Variants in XPO1 observed in about 807,000 individuals in gnomAD.
XPO1 encodes the protein exportin-1.
XPO1 carries 5 observed loss-of-function variants against 133.3 expected under a neutral mutation model. That is an observed-to-expected ratio of 0.04 (90% CI 0.02 to 0.08). The LOEUF (loss-of-function observed/expected upper bound fraction) is 0.08. XPO1 is among the 10% of genes least tolerant of loss of function. The pLI is 1.00. For synonymous variants in XPO1, 419 were observed against 408.2 expected (o/e 1.03, Z -0.32); for missense variants, 506 against 1,267.5 (o/e 0.40, Z 9.12).
At chr2:61,520,966 C>G (rs1383872839) in intron 4 of XPO1, among the ~76,000 whole-genome samples, 1 of 152,116 alleles carries the variant, frequency 6.6e-6, no homozygotes, top group African/African-American at 2.4e-5. Flanking sequence ...CTAAAGATCC[C>G]TGAAGAATAA....
intron 4 of XPO1, among the ~76,000 whole-genome samples, chr2:61,502,836 G>C (rs7577979): frequency 0.019 from 2,952 of 152,090 alleles, 91 homozygotes; most frequent in African/African-American, 0.066. Flanking sequence ...TAAACTCATA[G>C]ACTCAAGTGA....
chr2:61,536,469 A>G (rs376466858), intron 1 of XPO1: 7 of 152,270 alleles, frequency 4.6e-5, no homozygotes, highest in African/African-American at 1.7e-4. Context: ...ATGTGACTCT[A>G]CAAGTGACAC....
intron 10 of XPO1, 62 bp from the exon 11 acceptor site, chr2:61,495,675 T>C: frequency 6.3e-6 from 9 of 1,422,502 alleles, no homozygotes; most frequent in Non-Finnish European, 8.4e-6. Context: ...ACACTTAATA[T>C]TTTATTATTA....
intron 3 of XPO1, among the ~76,000 whole-genome samples, chr2:61,524,659 C>A (rs914110249): frequency 2.0e-5 from 3 of 152,210 alleles, no homozygotes; most frequent in African/African-American, 7.2e-5. Flanking sequence ...GGCAAAGTGG[C>A]CCTCGCCTGT....
At position 61,488,243 on chromosome 2, in the gene XPO1, A is replaced by T. The variant is rs762581181; in HGVS notation, c.2235T>A (p.Ile745=). The change falls in exon 19 of 25, where the codon ATT becomes ATA. Residue 745 remains isoleucine (I), a synonymous_variant. Transcript: ENST00000401558. ...NGEMVTKQPL[I]RSMRTVKRET... Reference sequence around the variant, plus strand: ...CCCTTTTTACAGTTCGCATACTTCTAATCAATGGTTGCTTTGTAACCATTT... The same window carrying T: ...CCCTTTTTACAGTTCGCATACTTCTTATCAATGGTTGCTTTGTAACCATTT... 4 of 1,613,974 alleles carry T rather than the reference A, an allele frequency of 2.5e-6. No homozygotes were observed. The highest frequency in any genetic ancestry group is 2.2e-5 in the East Asian group (1 of 44,846).
chr2:61,478,638 A>T lies in XPO1; in HGVS notation c.*182T>A. ...AAACTAAATAAAGATGACCAAAACA[A>T]AAGCTTAAACAATGGAAGGATATTT... On this transcript the variant is annotated 3_prime_UTR_variant, in exon 25 of 25. Transcript: ENST00000401558. 1.6e-6 allele frequency: 1 copy of T among 612,848 alleles called. No homozygotes were observed. Among genetic ancestry groups the T allele is most frequent in the South Asian group, 3.2e-5 (1 of 31,542 alleles). The allele number at this position is 612,848 out of a possible 1,614,324, so 38.0% of individuals were successfully genotyped here.
chr2:61,535,834 T>C (rs531634121), intron 1 of XPO1, among the ~76,000 whole-genome samples: 1 of 152,044 alleles, frequency 6.6e-6, no homozygotes, highest in Admixed American at 6.5e-5. Flanking sequence ...AGAGGAAATA[T>C]ATATTCCACA....
At chr2:61,483,438 A>C (rs11125883) in intron 21 of XPO1, 66,641 of 209,252 alleles carry the variant, frequency 0.32, 11,770 homozygotes, top group Middle Eastern at 0.43. Context: ...ATAAGACTAC[A>C]CATAAAGTAG....
In XPO1 at chr2:61,482,911, C is replaced by T. The variant is rs754685488; in HGVS notation, c.2812+46G>A. The T allele has an allele frequency of 6.8e-6, 11 of 1,610,088 alleles. No individual in the cohort carries two copies. In the East Asian group the frequency reaches 2.2e-4, roughly 33 times the overall value. ...GTGCTGGGATTATAGGCGTGAGGCC[C>T]TGTGCCCAGCTGGCACTTAACATTT... On this transcript the variant is annotated intron_variant, in intron 22 of 24. Coordinates refer to ENST00000401558, the MANE Select transcript of XPO1 (RefSeq NM_003400.4).
chr2:61,534,129 G>A (rs1699268856), intron 1 of XPO1: 1 of 375,292 alleles, frequency 2.7e-6, no homozygotes. Context: ...CTTTTCTAGT[G>A]TTTAGTTTAT....
intron 6 of XPO1, 33 bp from the exon 7 acceptor site, chr2:61,499,927 C>T (rs1697419632): frequency 2.5e-6 from 4 of 1,586,598 alleles, no homozygotes; most frequent in Non-Finnish European, 3.4e-6. Flanking sequence ...AATCGCACTT[C>T]ATTTCTCAAA....
intron 4 of XPO1, among the ~76,000 whole-genome samples, chr2:61,517,467 C>T (rs925536476): frequency 2.6e-5 from 4 of 152,086 alleles, no homozygotes; most frequent in Non-Finnish European, 5.9e-5. Context: ...TGCCTGTAGT[C>T]CTAGCTATTT....
At chr2:61,482,198 A>G (rs1696418037) in intron 23 of XPO1, among the ~76,000 whole-genome samples, 182 bp downstream of exon 23, 1 of 152,062 alleles carries the variant, frequency 6.6e-6, no homozygotes, top group African/African-American at 2.4e-5. Flanking sequence ...CTACAGATGC[A>G]TACCACTTCT....
chr2:61,511,252 T>C (rs755063077), intron 4 of XPO1, among the ~76,000 whole-genome samples: 6 of 151,730 alleles, frequency 4.0e-5, no homozygotes, highest in Non-Finnish European at 8.8e-5. Context: ...GCCTTCAGAG[T>C]AGCAGGGATT....
Position 61,495,473 on chromosome 2 carries a change from G to A in XPO1, c.1029C>T (p.Leu343=), listed in dbSNP as rs1195293350. Residue 343 remains leucine, a synonymous_variant, in exon 11 of 25, where the codon CTC becomes CTT. Coordinates refer to ENST00000401558, the MANE Select transcript of XPO1 (RefSeq NM_003400.4). ...ATCTTACCTCCATAAGAGTTTCCCTGAGATTTAATCTTTTTTCTATAAGTT... is the reference window on the plus strand; with the variant it reads ...ATCTTACCTCCATAAGAGTTTCCCTAAGATTTAATCTTTTTTCTATAAGTT... ...HDQLIEKRLN[L]RETLMEALHY... 6.4e-7 allele frequency: 1 copy of A among 1,561,722 alleles called. No homozygotes were observed. The highest frequency in any genetic ancestry group is 8.7e-7 in the Non-Finnish European group (1 of 1,149,410).
intron 2 of XPO1, among the ~76,000 whole-genome samples, chr2:61,532,199 C>A (rs1483257472): frequency 6.6e-6 from 1 of 152,132 alleles, no homozygotes; most frequent in Non-Finnish European, 1.5e-5. Flanking sequence ...GCAACCTCGG[C>A]TCACTGCAAG....
At position 61,492,058 on chromosome 2, in the gene XPO1, T is replaced by C; in HGVS notation, c.1864A>G (p.Ile622Val). Reference protein sequence around the residue: ...DEILNNINTIICDLQPQQVHT... With the variant: ...DEILNNINTIVCDLQPQQVHT... ...ACCTGTTGAGGCTGAAGATCACAAA[T>C]AATAGTGTTAATGTTGTTCAAAATT... is the stretch of plus-strand genomic sequence containing the variant. The change falls in exon 16 of 25, where the codon ATT becomes GTT. Residue 622 changes from isoleucine to valine, a missense_variant. This residue lies in a region of XPO1 where 60 missense variants were observed against 211.0 expected (regional missense o/e 0.28). Transcript: ENST00000401558. The surrounding 1 kb of genome is among the most constrained non-coding windows in gnomAD (Gnocchi z 5.6). 6.2e-7 allele frequency: 1 copy of C among 1,614,166 alleles called. No homozygotes were observed. Among genetic ancestry groups the C allele is most frequent in the East Asian group, 2.2e-5 (1 of 44,876 alleles).
At chr2:61,501,495 G>A (rs183673438) in intron 6 of XPO1, among the ~76,000 whole-genome samples, 1 of 152,162 alleles carries the variant, frequency 6.6e-6, no homozygotes, top group African/African-American at 2.4e-5. Flanking sequence ...GTCGAGGTGG[G>A]TGGATCACCT....
intron 2 of XPO1, among the ~76,000 whole-genome samples, chr2:61,527,344 T>C (rs1212434060): frequency 7.3e-6 from 1 of 136,432 alleles, no homozygotes. Flanking sequence ...AAAAGAAAGC[T>C]GCACATGGTG....
Sources: allele counts gnomAD v4.1 joint callset (sites outside exome capture counted in the v4.1 genomes callset), GRCh38; gene constraint gnomAD v4.1.1; regional missense constraint gnomAD v4.1.1; non-coding constraint Gnocchi (gnomAD v3.1); transcripts MANE v1.5; gene names NCBI Gene and HGNC (gene_info 2026-07-23, HGNC 2026-07-21).